The following MAML3 variants were observed in gnomAD, a reference collection of about 807,000 sequenced individuals.
MAML3 encodes mastermind-like protein 3.
MAML3 carries 27 observed loss-of-function variants against 101.9 expected under a neutral mutation model. The observed-to-expected ratio is 0.27, with a 90% CI of 0.20 to 0.37. The LOEUF is 0.37. Ranked by LOEUF, MAML3 falls within the 10% of genes least tolerant of loss-of-function variation. MAML3 has a pLI of 1.00. For missense variants in MAML3, 1,316 were observed against 1,444.9 expected, an observed-to-expected ratio of 0.91 and a Z score of 1.45; for synonymous variants, 501 against 555.9, an observed-to-expected ratio of 0.90 and a Z score of 1.39.
At chr4:140,093,735 A>G (rs1279258414) in intron 1 of MAML3, among the ~76,000 whole-genome samples, 1 of 151,758 alleles carries the variant, frequency 6.6e-6, no homozygotes, top group Non-Finnish European at 1.5e-5. Flanking sequence ...GCCAAGACTC[A>G]TGTCTTTAAA....
Position 139,719,118 on chromosome 4 carries a change from T to A in MAML3, c.*205A>T. 1 of 579,784 alleles carries A rather than the reference T, an allele frequency of 1.7e-6. No homozygotes were observed. Among genetic ancestry groups the A allele is most frequent in the Non-Finnish European group, 2.9e-6 (1 of 342,174 alleles). The allele number at this position is 579,784 out of a possible 1,614,324, so 35.9% of individuals were successfully genotyped here. A position where few individuals can be genotyped will look rare whatever the true frequency, so the allele number is the denominator to read the frequency against. On this transcript the variant is annotated 3_prime_UTR_variant, in exon 5 of 5. Transcript: ENST00000509479. The stretch of plus-strand genomic sequence containing the variant: ...CAGCCGGGATCTGCATGGCGTCTCA[T>A]CTCGATTGCTGTGTGAAAATCAGGT...
chr4:139,787,841 A>G (rs767418276), intron 2 of MAML3, among the ~76,000 whole-genome samples: 11 of 152,268 alleles, frequency 7.2e-5, no homozygotes, highest in Non-Finnish European at 1.2e-4. Context: ...ACACTACCCA[A>G]TCCCCTAGTT....
intron 1 of MAML3, among the ~76,000 whole-genome samples, chr4:139,986,101 G>A (rs1427799362): frequency 6.6e-6 from 1 of 152,218 alleles, no homozygotes; most frequent in East Asian, 1.9e-4. Context: ...AGACCAGCAT[G>A]TGCTTTCTGC....
intron 1 of MAML3, among the ~76,000 whole-genome samples, chr4:140,005,902 C>A (rs1184431640): frequency 2.0e-5 from 3 of 152,232 alleles, no homozygotes; most frequent in African/African-American, 4.8e-5. Flanking sequence ...TCTCTCAAAT[C>A]ATCTCACCCA....
intron 3 of MAML3, among the ~76,000 whole-genome samples, chr4:139,727,505 C>T (rs1179228707): frequency 6.6e-6 from 1 of 152,188 alleles, no homozygotes. Flanking sequence ...TCAGTTCCAT[C>T]CTGGCTCTGT....
chr4:139,729,817 T>C (rs1728628696), intron 3 of MAML3, among the ~76,000 whole-genome samples: 1 of 152,200 alleles, frequency 6.6e-6, no homozygotes, highest in Non-Finnish European at 1.5e-5. Context: ...GTGTTAGGCT[T>C]TCCTTTAACT....
chr4:140,072,670 CA>C (rs11351354), intron 1 of MAML3, among the ~76,000 whole-genome samples: 49,670 of 111,806 alleles, frequency 0.44, 8,358 homozygotes, highest in South Asian at 0.49. Context: ...AACTCCGTCT[CA>C]AAAAAAAAAA....
rs1414315849 is a variant in MAML3, at chr4:140,018,191, C to T, written c.469-127224G>A. ...TTCTAATTTAAACCTCTGGGTGCTCCCCTTTTCTATGTGGCAGCTTCTGCT... is the reference window on the plus strand; with the variant it reads ...TTCTAATTTAAACCTCTGGGTGCTCTCCTTTTCTATGTGGCAGCTTCTGCT... On this transcript the variant is annotated intron_variant, in intron 1 of 4. Transcript: ENST00000509479. 1.3e-5 allele frequency among the ~76,000 whole-genome samples: 2 copies of T among 152,054 alleles called. 1 individual carries two copies. Among genetic ancestry groups the T allele is most frequent in the Non-Finnish European group, 2.9e-5 (2 of 68,000 alleles).
intron 2 of MAML3, among the ~76,000 whole-genome samples, chr4:139,743,737 AC>A (rs1729233594): frequency 6.6e-6 from 1 of 152,312 alleles, no homozygotes; most frequent in East Asian, 1.9e-4. Flanking sequence ...ACTGAAGGTT[AC>A]TTTCTATAGA....
intron 1 of MAML3, among the ~76,000 whole-genome samples, chr4:140,092,854 A>G (rs1728085031): frequency 1.2e-5 from 1 of 81,168 alleles, no homozygotes; most frequent in South Asian, 6.6e-4. Context: ...CTGGCTGTAC[A>G]CTGAGGCAAC....
At position 139,852,401 on chromosome 4, in the gene MAML3, CTGTTTTT is replaced by C. The variant is rs1168988727; in HGVS notation, c.2079+36949_2079+36955del. The stretch of plus-strand genomic sequence containing the variant: ...CCAAAGCTCACCAAAATTCAGAAGA[CTGTTTTT>C]TTTTTTTTTTTTTTTTTTTTTTGAG... On this transcript the variant is annotated intron_variant, in intron 2 of 4. Coordinates refer to ENST00000509479, the MANE Select transcript of MAML3 (RefSeq NM_018717.5). Among the ~76,000 whole-genome samples the C allele has an allele frequency of 3.2e-4, 40 of 126,282 alleles. 3 individuals carry two copies. Among genetic ancestry groups the C allele is most frequent in the Admixed American group, 1.0e-3 (13 of 12,660 alleles). The allele number at this position is 126,282 out of a possible 152,430, so 82.8% of individuals were successfully genotyped here. A position where few individuals can be genotyped will look rare whatever the true frequency, so the allele number is the denominator to read the frequency against.
chr4:140,114,037 C>G (rs924208169), intron 1 of MAML3, among the ~76,000 whole-genome samples: 2 of 152,178 alleles, frequency 1.3e-5, no homozygotes, highest in African/African-American at 2.4e-5. Context: ...GTTTCCTATG[C>G]CTTTAAAGTC....
At chr4:140,123,105 T>C (rs1376809730) in intron 1 of MAML3, among the ~76,000 whole-genome samples, 2 of 150,844 alleles carry the variant, frequency 1.3e-5, no homozygotes, top group Non-Finnish European at 2.9e-5. Flanking sequence ...TTTTTTTTTT[T>C]TTTGCTCTGT....
intron 1 of MAML3, among the ~76,000 whole-genome samples, chr4:140,039,412 C>A: frequency 6.6e-6 from 1 of 152,156 alleles, no homozygotes; most frequent in South Asian, 2.1e-4. Context: ...CCATGGCTGA[C>A]CATGCATGGT....
intron 2 of MAML3, among the ~76,000 whole-genome samples, chr4:139,744,943 C>T (rs745885994): frequency 2.0e-5 from 3 of 152,186 alleles, no homozygotes; most frequent in Non-Finnish European, 2.9e-5. Flanking sequence ...AGTGTTTGAC[C>T]TGGGGCAAGT....
intron 1 of MAML3, among the ~76,000 whole-genome samples, chr4:140,070,872 GA>G: frequency 6.6e-6 from 1 of 152,202 alleles, no homozygotes; most frequent in African/African-American, 2.4e-5. Flanking sequence ...TTAGGAAGTA[GA>G]AAGGCCCCTT....
At chr4:139,814,273 T>G (rs1386018323) in intron 2 of MAML3, among the ~76,000 whole-genome samples, 1 of 152,150 alleles carries the variant, frequency 6.6e-6, no homozygotes, top group Non-Finnish European at 1.5e-5. Context: ...AGCTAAAAAT[T>G]TGTAAAGCTT....
At position 139,728,633 on chromosome 4, in the gene MAML3, TACG is replaced by T. The variant is rs1728573873; in HGVS notation, c.2331+1780_2331+1782del. Among the ~76,000 whole-genome samples the T allele has an allele frequency of 2.0e-5, 3 of 152,204 alleles. No homozygotes were observed. The South Asian group carries it at 6.2e-4, about 31-fold the overall frequency. On this transcript the variant is annotated intron_variant, in intron 3 of 4. Coordinates refer to ENST00000509479, the MANE Select transcript of MAML3 (RefSeq NM_018717.5). ...ATCATCTTTTGGTACACACAGTTGC[TACG>T]GAATGATCCACAGGTCACGGCTTCC... is the stretch of plus-strand genomic sequence containing the variant.
chr4:139,865,485 G>GTTTTTTT (rs67288115), intron 2 of MAML3, among the ~76,000 whole-genome samples: 1 of 90,084 alleles, frequency 1.1e-5, no homozygotes, highest in African/African-American at 7.5e-5. Context: ...TCTGTAAAAG[G>GTTTTTTT]TTTTTTTTTT....
Sources: gnomAD v4.1 joint callset for allele counts (sites outside exome capture counted in the v4.1 genomes callset) on GRCh38, gnomAD v4.1.1 for gene constraint, MANE v1.5 for transcripts, NCBI Gene and HGNC (gene_info 2026-07-23, HGNC 2026-07-21) for gene names.